TADA2B: variants seen among roughly 807,000 people sequenced by gnomAD.
TADA2B encodes transcriptional adapter 2-beta.
Under a neutral mutation model 34.5 loss-of-function variants are expected in TADA2B, and 13 were observed. That is an observed-to-expected ratio of 0.38 (90% CI 0.25 to 0.60). The LOEUF is 0.60. TADA2B is among the 20% of genes least tolerant of loss of function. TADA2B has a pLI of 0.65. For synonymous variants in TADA2B, 240 were observed against 243.4 expected (o/e 0.99, Z 0.13); for missense variants, 442 against 575.0 (o/e 0.77, Z 2.37).
chr4:7,055,316 A>T lies in TADA2B; in HGVS notation c.*262A>T. ...GATGATGCTCCGCCTTTACCCGTTC[A>T]GTTGGGAGCTTATTGTGAGATTGGA... On this transcript the variant is annotated 3_prime_UTR_variant, in exon 2 of 2. Coordinates refer to ENST00000310074, the MANE Select transcript of TADA2B (RefSeq NM_152293.3). The T allele has an allele frequency of 2.4e-6, 1 of 421,370 alleles. No individual in the cohort carries two copies. Among genetic ancestry groups the T allele is most frequent in the Non-Finnish European group, 4.2e-6 (1 of 237,636 alleles). The allele number at this position is 421,370 out of a possible 1,614,324, so 26.1% of individuals were successfully genotyped here. A position where few individuals can be genotyped will look rare whatever the true frequency, so the allele number is the denominator to read the frequency against.
At chr4:7,047,782 C>T (rs1334273116) in intron 1 of TADA2B, among the ~76,000 whole-genome samples, 3 of 152,184 alleles carry the variant, frequency 2.0e-5, no homozygotes, top group African/African-American at 7.2e-5. Context: ...CAGGCAAAAG[C>T]CAGCTTGGGG....
intron 1 of TADA2B, among the ~76,000 whole-genome samples, chr4:7,046,928 AG>A (rs1723645336): frequency 6.6e-6 from 1 of 152,144 alleles, no homozygotes; most frequent in African/African-American, 2.4e-5. Flanking sequence ...GTAGCTGAGC[AG>A]GGTTAACAGT....
chr4:7,043,479 C>A lies in TADA2B; in HGVS notation c.-101C>A. Reference sequence around the variant, plus strand: ...GCCGCGGCGGCGGGCGGCGGTTGCTCGTGCGCGGCGGCGGCGGCGGGTCCC... The same window carrying A: ...GCCGCGGCGGCGGGCGGCGGTTGCTAGTGCGCGGCGGCGGCGGCGGGTCCC... On this transcript the variant is annotated 5_prime_UTR_variant, in exon 1 of 2. Transcript: ENST00000310074. 1.5e-6 allele frequency: 1 copy of A among 683,342 alleles called. No homozygotes were observed. The highest frequency in any genetic ancestry group is 6.4e-5 in the South Asian group (1 of 15,598). The allele number at this position is 683,342 out of a possible 1,614,324, so 42.3% of individuals were successfully genotyped here.
intron 1 of TADA2B, among the ~76,000 whole-genome samples, chr4:7,044,079 G>C (rs1369721620): frequency 6.6e-6 from 1 of 152,262 alleles, no homozygotes; most frequent in Non-Finnish European, 1.5e-5. Context: ...GGGCCGAGTG[G>C]GGCTTTGAAC....
intron 1 of TADA2B, among the ~76,000 whole-genome samples, chr4:7,050,719 G>T (rs1355289701): frequency 6.6e-6 from 1 of 152,250 alleles, no homozygotes; most frequent in Non-Finnish European, 1.5e-5. Flanking sequence ...CATCACGGGG[G>T]CAGGGTCAGC....
At chr4:7,050,304 G>C in intron 1 of TADA2B, among the ~76,000 whole-genome samples, 1 of 152,306 alleles carries the variant, frequency 6.6e-6, no homozygotes, top group East Asian at 1.9e-4. Context: ...TCCTGGCCCT[G>C]CAGGGGCCAC....
chr4:7,054,459 C>T lies in TADA2B; in HGVS notation c.668C>T (p.Ala223Val), dbSNP rs550257653. 3.1e-6 allele frequency: 5 copies of T among 1,613,648 alleles called. No individual in the cohort carries two copies. Among genetic ancestry groups the T allele is most frequent in the East Asian group, 2.2e-5 (1 of 44,870 alleles). ...GAGAGACAGCGGCGGAAGAACATCG[C>T]CCGTGACTACAATCTGGTGCCAGCC... is the stretch of plus-strand genomic sequence containing the variant. ...LKERQRRKNI[A>V]RDYNLVPAFL... is the part of the protein sequence containing the mutation. Residue 223 changes from alanine (A) to valine (V), a missense_variant, in exon 2 of 2, where the codon GCC becomes GTC. This residue lies in a region of TADA2B where 222 missense variants were observed against 235.2 expected (regional missense o/e 0.94). Transcript: ENST00000310074.
chr4:7,047,322 A>G (rs1001540020), intron 1 of TADA2B, among the ~76,000 whole-genome samples: 4 of 152,274 alleles, frequency 2.6e-5, no homozygotes, highest in Middle Eastern at 3.4e-3. Context: ...TTGGCGGGGA[A>G]GTGGGGTTCA....
At chr4:7,052,135 C>T (rs1045004236) in intron 1 of TADA2B, among the ~76,000 whole-genome samples, 4 of 152,214 alleles carry the variant, frequency 2.6e-5, no homozygotes, top group African/African-American at 4.8e-5. Flanking sequence ...CCTCTTGAGT[C>T]GGCTGTGTAT....
intron 1 of TADA2B, among the ~76,000 whole-genome samples, chr4:7,044,355 T>C (rs1405051030): frequency 6.6e-6 from 1 of 152,174 alleles, no homozygotes; most frequent in African/African-American, 2.4e-5. Context: ...GCACAGAGTC[T>C]TTTGTGGGTA....
In TADA2B at chr4:7,055,139, G is replaced by A. The variant is rs545028223; in HGVS notation, c.*85G>A. 120 of 1,369,548 alleles carry A rather than the reference G, an allele frequency of 8.8e-5. 2 individuals are homozygous for A. In the South Asian group the frequency reaches 1.7e-3, roughly 20 times the overall value. 84.8% of individuals were successfully genotyped at this position (1,369,548 alleles called of 1,614,324 possible). A position where few individuals can be genotyped will look rare whatever the true frequency, so the allele number is the denominator to read the frequency against. On this transcript the variant is annotated 3_prime_UTR_variant, in exon 2 of 2. Coordinates refer to ENST00000310074, the MANE Select transcript of TADA2B (RefSeq NM_152293.3). ...GGGGGAGGGGAGCCGCTTCCCCACT[G>A]TTGCTCTTTTTTAAACAAATTGAGT...
rs1320519621 is a variant in TADA2B, at chr4:7,054,219, T to C, written c.428T>C (p.Leu143Pro). Reference sequence around the variant, plus strand: ...CACACCTGTCCCAGCGGAGGCCCCCTCTCACCCAGCCTCACCACCCCGCTG... The same window carrying C: ...CACACCTGTCCCAGCGGAGGCCCCCCCTCACCCAGCCTCACCACCCCGCTG... The part of the protein sequence containing the change: ...TDHTCPSGGP[L>P]SPSLTTPLPP... The change falls in exon 2 of 2, where the codon CTC becomes CCC. Residue 143 changes from leucine to proline, a missense_variant. Leu to Pro is a moderately conservative substitution (Grantham distance 98). This residue lies in a region of TADA2B where 222 missense variants were observed against 235.2 expected (regional missense o/e 0.94). Transcript: ENST00000310074. 1 of 1,607,170 alleles carries C rather than the reference T, an allele frequency of 6.2e-7. No homozygotes were observed. Among genetic ancestry groups the C allele is most frequent in the African/African-American group, 1.3e-5 (1 of 74,770 alleles).
intron 1 of TADA2B, chr4:7,044,919 C>T (rs1164900128): frequency 6.6e-6 from 1 of 152,218 alleles, no homozygotes. Flanking sequence ...CATTCTGAAG[C>T]CCTGGAATGT....
intron 1 of TADA2B, chr4:7,052,687 T>G (rs1053798286): frequency 2.0e-5 from 3 of 152,198 alleles, no homozygotes; most frequent in African/African-American, 4.8e-5. Flanking sequence ...TGACTTGGTG[T>G]TGTGTTTTGT....
chr4:7,053,842 C>T (rs1420119537), intron 1 of TADA2B: 5 of 548,246 alleles, frequency 9.1e-6, no homozygotes, highest in East Asian at 3.0e-5. Flanking sequence ...TTCACTTTCT[C>T]ATGTACAGAA....
intron 1 of TADA2B, among the ~76,000 whole-genome samples, chr4:7,046,779 G>A (rs1329441226): frequency 6.6e-6 from 1 of 152,196 alleles, no homozygotes; most frequent in Non-Finnish European, 1.5e-5. Context: ...CTTTCAGATG[G>A]CAAATGGTGA....
intron 1 of TADA2B, among the ~76,000 whole-genome samples, chr4:7,051,368 C>T (rs1455328376): frequency 2.0e-5 from 3 of 152,170 alleles, no homozygotes; most frequent in Non-Finnish European, 4.4e-5. Context: ...GCAAAGGGCA[C>T]CTCCAGCAGG....
Position 7,054,935 on chromosome 4 carries a change from C to G in TADA2B, c.1144C>G (p.Gln382Glu). ...VKTIIIKDHLQKRQGIPSKSR... is the reference protein window; with the variant it reads ...VKTIIIKDHLEKRQGIPSKSR... The stretch of plus-strand genomic sequence containing the variant: ...GACTATTATAATTAAAGACCACCTC[C>G]AGAAGCGGCAAGGAATCCCCTCCAA... The change falls in exon 2 of 2, where the codon CAG becomes GAG. Residue 382 changes from glutamine to glutamate, a missense_variant. Physicochemically the swap from Gln to Glu is conservative, Grantham distance 29. Coordinates refer to ENST00000310074, the MANE Select transcript of TADA2B (RefSeq NM_152293.3). The G allele has an allele frequency of 6.2e-7, 1 of 1,613,942 alleles. No individual in the cohort carries two copies. The highest frequency in any genetic ancestry group is 8.5e-7 in the Non-Finnish European group (1 of 1,179,892).
Position 7,055,196 on chromosome 4 carries a change from G to T in TADA2B, c.*142G>T. 1 of 869,334 alleles carries T rather than the reference G, an allele frequency of 1.2e-6. No individual in the cohort carries two copies. The highest frequency in any genetic ancestry group is 1.9e-5 in the South Asian group (1 of 52,692). 53.9% of individuals were successfully genotyped at this position (869,334 alleles called of 1,614,324 possible). A position where few individuals can be genotyped will look rare whatever the true frequency, so the allele number is the denominator to read the frequency against. On this transcript the variant is annotated 3_prime_UTR_variant, in exon 2 of 2. Transcript: ENST00000310074. The stretch of plus-strand genomic sequence containing the variant: ...TTTTAAGATAGAAATTCTTTTCATG[G>T]TCCTCTGAAAGAAGCAATAGTAACA...
Sources: allele counts gnomAD v4.1 joint callset (sites outside exome capture counted in the v4.1 genomes callset), GRCh38; gene constraint gnomAD v4.1.1; regional missense constraint gnomAD v4.1.1; transcripts MANE v1.5; gene names NCBI Gene and HGNC (gene_info 2026-07-23, HGNC 2026-07-21).